Variants in UHRF2 observed in about 807,000 individuals in gnomAD.
The protein encoded by UHRF2 is ubiquitin like with PHD and ring finger domains 2.
UHRF2 carries 23 observed loss-of-function variants against 96.8 expected under a neutral mutation model. The observed-to-expected ratio is 0.24, with a 90% CI of 0.17 to 0.34. The LOEUF is 0.34. Among genes scored for constraint, UHRF2 ranks in the 10% least tolerant of loss-of-function variants. The pLI, the probability that UHRF2 is intolerant of heterozygous loss-of-function variation, is 1.00. For missense variants in UHRF2, 685 were observed against 981.5 expected, an observed-to-expected ratio of 0.70 and a Z score of 4.04; for synonymous variants, 385 against 332.6, an observed-to-expected ratio of 1.16 and a Z score of -1.72.
intron 3 of UHRF2, among the ~76,000 whole-genome samples, chr9:6,443,446 G>T (rs577680298): frequency 6.6e-6 from 1 of 152,182 alleles, no homozygotes; most frequent in Non-Finnish European, 1.5e-5. Context: ...TCCAAAAAGC[G>T]CATGCTTGCA....
intron 4 of UHRF2, among the ~76,000 whole-genome samples, chr9:6,461,958 T>G (rs187800341): frequency 6.6e-6 from 1 of 151,920 alleles, no homozygotes; most frequent in Non-Finnish European, 1.5e-5. Context: ...TTTTATTGAG[T>G]GCCGAGGGTT....
intron 5 of UHRF2, among the ~76,000 whole-genome samples, chr9:6,476,815 G>A (rs550263445): frequency 5.9e-5 from 9 of 152,114 alleles, no homozygotes; most frequent in South Asian, 4.2e-4. Context: ...GGTTGGTCTC[G>A]AACTCCTGAG....
intron 3 of UHRF2, among the ~76,000 whole-genome samples, chr9:6,441,170 G>A (rs903446569): frequency 8.5e-5 from 13 of 152,090 alleles, no homozygotes; most frequent in Non-Finnish European, 1.6e-4. Flanking sequence ...CTTGAGCCCA[G>A]GAGTTCGAGA....
At chr9:6,445,978 A>AC (rs1821465533) in intron 3 of UHRF2, among the ~76,000 whole-genome samples, 7 of 42,528 alleles carry the variant, frequency 1.6e-4, no homozygotes, top group Non-Finnish European at 2.3e-4. Context: ...CCCCCCCGCC[A>AC]CCCTTTTTTT....
chr9:6,416,001 T>C (rs1051581107), intron 1 of UHRF2, among the ~76,000 whole-genome samples: 2 of 152,170 alleles, frequency 1.3e-5, no homozygotes, highest in Non-Finnish European at 2.9e-5. Flanking sequence ...TTTAACAAGA[T>C]CTCCAGGTGA....
chr9:6,476,254 A>G (rs534098925), intron 5 of UHRF2, among the ~76,000 whole-genome samples: 1 of 152,180 alleles, frequency 6.6e-6, no homozygotes, highest in Non-Finnish European at 1.5e-5. Context: ...GTATATGTAT[A>G]TACCATATTG....
At chr9:6,485,096 T>G (rs1407918642) in intron 8 of UHRF2, among the ~76,000 whole-genome samples, 1 of 152,116 alleles carries the variant, frequency 6.6e-6, no homozygotes. Context: ...CCCAGCCATA[T>G]TAACTTCTTT....
At chr9:6,476,294 G>C (rs1040436032) in intron 5 of UHRF2, among the ~76,000 whole-genome samples, 81 of 152,028 alleles carry the variant, frequency 5.3e-4, no homozygotes, top group African/African-American at 2.0e-3. Context: ...GTTTCTTGCT[G>C]TTTCTTCTGT....
chr9:6,430,631 G>A (rs1820512506), intron 2 of UHRF2, among the ~76,000 whole-genome samples: 1 of 151,980 alleles, frequency 6.6e-6, no homozygotes, highest in Non-Finnish European at 1.5e-5. Flanking sequence ...TAAACACCAA[G>A]CCAATATTCC....
At chr9:6,427,218 T>A (rs1563746507) in intron 2 of UHRF2, among the ~76,000 whole-genome samples, 2 of 152,224 alleles carry the variant, frequency 1.3e-5, no homozygotes, top group Non-Finnish European at 2.9e-5. Context: ...TATTTTTTTT[T>A]ATACATGTAG....
At chr9:6,423,004 T>G (rs1226838143) in intron 2 of UHRF2, 1 of 212,014 alleles carries the variant, frequency 4.7e-6, no homozygotes. Context: ...TGCTTTATCC[T>G]TTCCTATCTT....
At chr9:6,459,162 C>G (rs1822366644) in intron 3 of UHRF2, among the ~76,000 whole-genome samples, 1 of 152,062 alleles carries the variant, frequency 6.6e-6, no homozygotes, top group South Asian at 2.1e-4. Context: ...CACCTGTATA[C>G]CTAAGTAACA....
At chr9:6,421,976 A>T (rs915957699) in intron 2 of UHRF2, among the ~76,000 whole-genome samples, 1 of 152,178 alleles carries the variant, frequency 6.6e-6, no homozygotes, top group Non-Finnish European at 1.5e-5. Flanking sequence ...TTTTATTAAC[A>T]TACCGCGGTA....
chr9:6,504,128 C>G (rs1217995532), intron 14 of UHRF2, among the ~76,000 whole-genome samples: 1 of 149,450 alleles, frequency 6.7e-6, no homozygotes, highest in Non-Finnish European at 1.5e-5. Context: ...TTGGTTCACT[C>G]CATTCTCCTG....
chr9:6,485,301 A>C (rs1824200103), intron 8 of UHRF2, among the ~76,000 whole-genome samples: 1 of 152,164 alleles, frequency 6.6e-6, no homozygotes, highest in Non-Finnish European at 1.5e-5. Flanking sequence ...GTGTATTTCT[A>C]ATTGCCTTAT....
At chr9:6,494,057 TC>T (rs1824827370) in intron 10 of UHRF2, 125 bp downstream of exon 10, 1 of 750,268 alleles carries the variant, frequency 1.3e-6, no homozygotes, top group Admixed American at 2.9e-5. Context: ...AAATTAAAAT[TC>T]CAGTGCCTGA....
At chr9:6,502,620 T>G (rs759377544) in intron 14 of UHRF2, among the ~76,000 whole-genome samples, 8 of 152,208 alleles carry the variant, frequency 5.3e-5, no homozygotes, top group Non-Finnish European at 1.2e-4. Context: ...ACAGTTTTTG[T>G]TTGTTTACTC....
Position 6,497,907 on chromosome 9 carries a change from G to C in UHRF2, c.1768-111G>C, listed in dbSNP as rs947895662. 2.9e-6 allele frequency: 4 copies of C among 1,363,290 alleles called. No individual in the cohort carries two copies. In the African/African-American group the frequency reaches 5.8e-5, roughly 20 times the overall value. The allele number at this position is 1,363,290 out of a possible 1,614,324, so 84.4% of individuals were successfully genotyped here. Reference sequence around the variant, plus strand: ...GACTTACTGTCCTTACAGCAAAGCAGAATATTCAGAAGTTGCATTTAGTTC... The same window carrying C: ...GACTTACTGTCCTTACAGCAAAGCACAATATTCAGAAGTTGCATTTAGTTC... On this transcript the variant is annotated intron_variant, in intron 11 of 15. Coordinates refer to ENST00000276893, the MANE Select transcript of UHRF2 (RefSeq NM_152896.3).
rs565900770 is a variant in UHRF2, at chr9:6,446,974, C to T, written c.644+12801C>T. ...CACAATCTCGGCTCACTGCAAGCTC[C>T]GCCTCCCGGGTTCACGCCATTCTCT... On this transcript the variant is annotated intron_variant, in intron 3 of 15. Transcript: ENST00000276893. 2.4e-3 allele frequency among the ~76,000 whole-genome samples: 359 copies of T among 152,212 alleles called. 2 individuals carry two copies. The highest frequency in any genetic ancestry group is 8.3e-3 in the African/African-American group (345 of 41,554).
Sources: gnomAD v4.1 joint callset for allele counts (sites outside exome capture counted in the v4.1 genomes callset) on GRCh38, gnomAD v4.1.1 for gene constraint, MANE v1.5 for transcripts, NCBI Gene and HGNC (gene_info 2026-07-23, HGNC 2026-07-21) for gene names.